The following PCDHA6 variants were observed in gnomAD, a reference collection of about 807,000 sequenced individuals.
The protein encoded by PCDHA6 is protocadherin alpha-6.
PCDHA6 carries 55 observed loss-of-function variants against 60.3 expected under a neutral mutation model. The ratio of observed to expected loss-of-function variants is 0.91; its 90% confidence interval spans 0.73 to 1.14. The LOEUF (loss-of-function observed/expected upper bound fraction) is 1.14, where lower values mean the gene tolerates loss of function less well. Among genes scored for constraint, PCDHA6 ranks in the 50% most tolerant of loss-of-function variants. The pLI, the probability that PCDHA6 is intolerant of heterozygous loss-of-function variation, is 0.00. For synonymous variants in PCDHA6, 652 were observed against 557.9 expected (o/e 1.17, Z -2.38); for missense variants, 1,327 against 1,256.5 (o/e 1.06, Z -0.85).
rs117857377 is a variant in PCDHA6, at chr5:140,947,298, A to G, written c.2395-31651A>G. ...TTTTTCTTTTTATTGCATTATCTTG[A>G]CATCTTTGTAAAAAGTCGGTTGACC... On this transcript the variant is annotated intron_variant, in intron 1 of 3. Transcript: ENST00000529310. Among the ~76,000 whole-genome samples, 349 of 151,704 alleles carry G rather than the reference A, an allele frequency of 2.3e-3. 8 individuals carry two copies. In the East Asian group the frequency reaches 0.06, roughly 26 times the overall value.
chr5:140,950,694 T>C (rs1361506103), intron 1 of PCDHA6, among the ~76,000 whole-genome samples: 4 of 152,104 alleles, frequency 2.6e-5, no homozygotes, highest in African/African-American at 9.7e-5. Flanking sequence ...TAACCAAATT[T>C]GACAAATTTT....
chr5:140,828,582 C>G lies in PCDHA6; in HGVS notation c.491C>G (p.Ser164Ter), dbSNP rs1554131414. The G allele has an allele frequency of 1.9e-6, 3 of 1,614,224 alleles. No individual in the cohort carries two copies. Among genetic ancestry groups the G allele is most frequent in the Middle Eastern group, 3.3e-4 (2 of 6,062 alleles). The change falls in exon 1 of 4, where the codon TCA (serine) becomes TGA (stop). Residue 164 changes from serine (S) to a stop codon, truncating the protein, a stop_gained. Transcript: ENST00000529310. LOFTEE classifies it high-confidence loss of function. The part of the protein sequence containing the change: ...LEGASDADVG[S>*]NSILTYKLSS... The stretch of plus-strand genomic sequence containing the variant: ...GGCGCGTCCGATGCAGATGTTGGCT[C>G]AAATTCCATCTTAACCTATAAACTC...
At chr5:140,993,460 TCTCACACACACACA>T (rs1441171729) in intron 3 of PCDHA6, among the ~76,000 whole-genome samples, 1 of 104,506 alleles carries the variant, frequency 9.6e-6, no homozygotes, top group Non-Finnish European at 1.9e-5. Flanking sequence ...CTTCTTTCTT[TCTCACACACACACA>T]CACACACACA....
At chr5:140,853,843 C>T (rs2042882869) in intron 1 of PCDHA6, 1 of 986,310 alleles carries the variant, frequency 1.0e-6, no homozygotes, top group African/African-American at 1.8e-5. Flanking sequence ...ATTTTAGATC[C>T]ATAGCCCTAT....
intron 1 of PCDHA6, chr5:140,869,706 T>C (rs1554163364): frequency 2.5e-6 from 4 of 1,613,406 alleles, no homozygotes; most frequent in South Asian, 1.1e-5. Flanking sequence ...AGTCTCTGGA[T>C]AGAGAGAAAA....
chr5:140,905,231 A>G (rs2071692761), intron 1 of PCDHA6, among the ~76,000 whole-genome samples: 1 of 152,180 alleles, frequency 6.6e-6, no homozygotes, highest in African/African-American at 2.4e-5. Flanking sequence ...AGAGATGAGG[A>G]TCCAGTTTCA....
At chr5:140,906,982 G>A (rs1298159889) in intron 1 of PCDHA6, among the ~76,000 whole-genome samples, 3 of 152,140 alleles carry the variant, frequency 2.0e-5, no homozygotes, top group African/African-American at 7.2e-5. Flanking sequence ...TCTTCTGGTG[G>A]CAGCATTCCT....
At chr5:140,969,112 A>G (rs781784282) in intron 1 of PCDHA6, 4 of 1,614,022 alleles carry the variant, frequency 2.5e-6, no homozygotes, top group Admixed American at 3.3e-5. Context: ...TTGAAGTTCG[A>G]GGGAATGGCT....
intron 1 of PCDHA6, among the ~76,000 whole-genome samples, chr5:140,886,130 C>T (rs2060865178): frequency 6.6e-6 from 1 of 152,144 alleles, no homozygotes; most frequent in African/African-American, 2.4e-5. Flanking sequence ...TCCGTAACAA[C>T]CAGATTCTTG....
At chr5:141,001,978 A>G (rs1331599524) in intron 3 of PCDHA6, among the ~76,000 whole-genome samples, 1 of 152,166 alleles carries the variant, frequency 6.6e-6, no homozygotes, top group Non-Finnish European at 1.5e-5. Context: ...TCTGCGCGGA[A>G]AGCCTGGAAG....
chr5:140,914,528 A>G (rs1333576504), intron 1 of PCDHA6, among the ~76,000 whole-genome samples: 2 of 152,114 alleles, frequency 1.3e-5, no homozygotes, highest in African/African-American at 4.8e-5. Flanking sequence ...TCATCCATTC[A>G]GCCACTTTAT....
At chr5:140,989,531 G>C (rs782610172) in intron 3 of PCDHA6, among the ~76,000 whole-genome samples, 1 of 152,198 alleles carries the variant, frequency 6.6e-6, no homozygotes, top group Non-Finnish European at 1.5e-5. Flanking sequence ...AGAGGAGGAA[G>C]ATAGTTTGTA....
intron 3 of PCDHA6, among the ~76,000 whole-genome samples, chr5:140,985,897 T>G (rs1037239723): frequency 1.3e-5 from 2 of 151,648 alleles, no homozygotes; most frequent in Non-Finnish European, 2.9e-5. Context: ...CCGCCACCAC[T>G]CCCGTCTAAT....
intron 2 of PCDHA6, 138 bp from the exon 3 acceptor site, chr5:140,982,337 A>G: frequency 6.9e-7 from 1 of 1,455,066 alleles, no homozygotes; most frequent in East Asian, 2.5e-5. Context: ...CTCAGCAGTA[A>G]TTGCTTCAGT....
chr5:140,965,676 G>A (rs906070464), intron 1 of PCDHA6, among the ~76,000 whole-genome samples: 1 of 152,132 alleles, frequency 6.6e-6, no homozygotes, highest in African/African-American at 2.4e-5. Flanking sequence ...AAATGTAAAA[G>A]ATTTGAAGCA....
At position 140,830,133 on chromosome 5, in the gene PCDHA6, G is replaced by T. The variant is rs1770838333; in HGVS notation, c.2042G>T (p.Arg681Leu). ...GGCCAGGCTCCAAAGGCGTCATCAC[G>T]GGCGTCGGTGGGCGCCGCGGGCCCA... is the stretch of plus-strand genomic sequence containing the variant. Reference protein sequence around the residue: ...ESGQAPKASSRASVGAAGPEA... With the variant: ...ESGQAPKASSLASVGAAGPEA... The change falls in exon 1 of 4, where the codon CGG (arginine) becomes CTG (leucine). Residue 681 changes from arginine (R) to leucine (L), a missense_variant. Physicochemically the swap from Arg to Leu is moderately radical, Grantham distance 102. Coordinates refer to ENST00000529310, the MANE Select transcript of PCDHA6 (RefSeq NM_018909.4). 6.2e-7 allele frequency: 1 copy of T among 1,613,342 alleles called. No homozygotes were observed. Among genetic ancestry groups the T allele is most frequent in the African/African-American group, 1.3e-5 (1 of 75,052 alleles).
chr5:141,010,274 T>C lies in PCDHA6; in HGVS notation c.*337T>C, dbSNP rs1554262865. On this transcript the variant is annotated 3_prime_UTR_variant, in exon 4 of 4. Coordinates refer to ENST00000529310, the MANE Select transcript of PCDHA6 (RefSeq NM_018909.4). ...TCTGCCCTGTGCTCCGGGGATCCTG[T>C]CTTGATGACACTTGCAGGGCAGGCT... is the stretch of plus-strand genomic sequence containing the variant. The C allele has an allele frequency of 6.4e-7, 1 of 1,551,424 alleles. No homozygotes were observed. Among genetic ancestry groups the C allele is most frequent in the Admixed American group, 2.0e-5 (1 of 50,930 alleles).
chr5:140,976,023 A>C (rs907977893), intron 1 of PCDHA6, among the ~76,000 whole-genome samples: 1 of 152,206 alleles, frequency 6.6e-6, no homozygotes, highest in Non-Finnish European at 1.5e-5. Flanking sequence ...AAATAATCAC[A>C]GTTATTTCAA....
intron 1 of PCDHA6, among the ~76,000 whole-genome samples, chr5:140,945,123 A>G (rs1421068345): frequency 2.0e-5 from 3 of 152,190 alleles, no homozygotes; most frequent in African/African-American, 4.8e-5. Context: ...TAAAAAATCA[A>G]CTTACAAAAA....
Sources: gnomAD v4.1 joint callset for allele counts (sites outside exome capture counted in the v4.1 genomes callset) on GRCh38, gnomAD v4.1.1 for gene constraint, MANE v1.5 for transcripts, NCBI Gene and HGNC (gene_info 2026-07-23, HGNC 2026-07-21) for gene names.